The following NSUN6 variants were observed in gnomAD, a reference collection of about 807,000 sequenced individuals.
NSUN6 encodes NOP2/Sun RNA methyltransferase 6, also known as tRNA (cytosine(72)-C(5))-methyltransferase NSUN6.
Under a neutral mutation model 58.0 loss-of-function variants are expected in NSUN6, and 64 were observed. That is an observed-to-expected ratio of 1.10 (90% CI 0.90 to 1.36). The LOEUF (loss-of-function observed/expected upper bound fraction) is 1.36. Among genes scored for constraint, NSUN6 ranks in the 40% most tolerant of loss-of-function variants. NSUN6 has a pLI of 0.00. For synonymous variants in NSUN6, 231 were observed against 193.9 expected (o/e 1.19, Z -1.59); for missense variants, 701 against 550.1 (o/e 1.27, Z -2.74).
At chr10:18,641,961 A>G (rs2059403428) in intron 3 of NSUN6, among the ~76,000 whole-genome samples, 1 of 152,120 alleles carries the variant, frequency 6.6e-6, no homozygotes, top group African/African-American at 2.4e-5. Context: ...CCAGCTACTC[A>G]GAAGCTGAGG....
At chr10:18,626,677 A>G (rs1357262358) in intron 3 of NSUN6, among the ~76,000 whole-genome samples, 2 of 152,208 alleles carry the variant, frequency 1.3e-5, no homozygotes, top group African/African-American at 4.8e-5. Context: ...CTGAGGCAGG[A>G]TAATCACTTG....
At chr10:18,652,091 CTGTTAAT>C, upstream of NSUN6, 1 of 985,370 alleles carries the variant, frequency 1.0e-6, no homozygotes, top group Non-Finnish European at 1.2e-6. Flanking sequence ...GGCTAATGGT[CTGTTAAT>C]ATCCAATGCT....
intron 3 of NSUN6, among the ~76,000 whole-genome samples, chr10:18,638,887 A>C (rs1025813856): frequency 4.0e-5 from 6 of 151,416 alleles, no homozygotes; most frequent in African/African-American, 1.2e-4. Flanking sequence ...ACTGAAAGCA[A>C]GCACCACATG....
chr10:18,647,670 C>T (rs1381158574), intron 2 of NSUN6, among the ~76,000 whole-genome samples: 1 of 150,088 alleles, frequency 6.7e-6, no homozygotes, highest in African/African-American at 2.5e-5. Context: ...AAAATAGATT[C>T]AGATTCATCA....
At position 18,611,871 on chromosome 10, in the gene NSUN6, C is replaced by T. The variant is rs117505686; in HGVS notation, c.576-1945G>A. 3.5e-3 allele frequency among the ~76,000 whole-genome samples: 528 copies of T among 152,166 alleles called. 1 individual carries two copies. Among genetic ancestry groups the T allele is most frequent in the Non-Finnish European group, 6.3e-3 (427 of 68,008 alleles). ...CGGGTATGAGCCACCATGCCTGGCG[C>T]CCTCAGTTCTAACAGCATTTAGCAT... On this transcript the variant is annotated intron_variant, in intron 5 of 10. Coordinates refer to ENST00000377304, the MANE Select transcript of NSUN6 (RefSeq NM_182543.5).
chr10:18,638,947 TAA>T (rs35673571), intron 3 of NSUN6, among the ~76,000 whole-genome samples: 14 of 107,056 alleles, frequency 1.3e-4, no homozygotes, highest in Non-Finnish European at 2.2e-4. Flanking sequence ...TTGACAATGT[TAA>T]AAAAAAAAAA....
chr10:18,591,207 T>A (rs892128668), intron 7 of NSUN6, among the ~76,000 whole-genome samples: 2 of 152,240 alleles, frequency 1.3e-5, no homozygotes, highest in African/African-American at 4.8e-5. Flanking sequence ...AATTCCTGAA[T>A]AGACCAATAA....
chr10:18,608,454 G>T (rs1316414543), intron 6 of NSUN6, among the ~76,000 whole-genome samples: 1 of 151,826 alleles, frequency 6.6e-6, no homozygotes, highest in Non-Finnish European at 1.5e-5. Flanking sequence ...TGGACAATAC[G>T]GCAAAACCCC....
chr10:18,628,786 C>A (rs2058922181), intron 3 of NSUN6, among the ~76,000 whole-genome samples: 1 of 152,062 alleles, frequency 6.6e-6, no homozygotes, highest in Non-Finnish European at 1.5e-5. Context: ...GATTGGTGTA[C>A]CAGAAAGTGA....
chr10:18,652,018 C>T (rs960815748), upstream of NSUN6: 2 of 985,246 alleles, frequency 2.0e-6, no homozygotes, highest in Non-Finnish European at 2.4e-6. Flanking sequence ...GATTTTACCT[C>T]TCTCAGGCAT....
intron 8 of NSUN6, among the ~76,000 whole-genome samples, chr10:18,584,701 A>T (rs1021837499): frequency 1.3e-5 from 2 of 152,232 alleles, no homozygotes; most frequent in African/African-American, 2.4e-5. Context: ...TGAGGTGGAC[A>T]AATGCAAAAA....
chr10:18,620,392 A>C (rs1010623966), intron 3 of NSUN6, among the ~76,000 whole-genome samples: 1 of 152,148 alleles, frequency 6.6e-6, no homozygotes, highest in Non-Finnish European at 1.5e-5. Context: ...CGACAATAAA[A>C]ATTCTTTAGC....
chr10:18,619,874 T>C (rs1379673382), intron 3 of NSUN6, among the ~76,000 whole-genome samples: 1 of 152,192 alleles, frequency 6.6e-6, no homozygotes, highest in Non-Finnish European at 1.5e-5. Context: ...TACACATACA[T>C]GTCTGTGTGT....
chr10:18,596,356 C>T (rs1416253021), intron 6 of NSUN6, 29 bp from the exon 7 acceptor site: 1 of 1,469,350 alleles, frequency 6.8e-7, no homozygotes, highest in Non-Finnish European at 9.5e-7. Context: ...AATCGATTAT[C>T]AATAATCCTA....
At chr10:18,640,050 T>A (rs1472603596) in intron 3 of NSUN6, among the ~76,000 whole-genome samples, 1 of 152,174 alleles carries the variant, frequency 6.6e-6, no homozygotes, top group Non-Finnish European at 1.5e-5. Flanking sequence ...AAATTTAAAC[T>A]AAGCTAAATG....
intron 6 of NSUN6, 47 bp downstream of exon 6, chr10:18,609,798 A>AT: frequency 1.0e-6 from 1 of 978,050 alleles, no homozygotes; most frequent in Non-Finnish European, 1.6e-6. Flanking sequence ...TAATTCACTG[A>AT]TGTATGTTTC....
chr10:18,617,185 GTTT>G (rs35698731), intron 3 of NSUN6, among the ~76,000 whole-genome samples: 3 of 127,630 alleles, frequency 2.4e-5, no homozygotes, highest in African/African-American at 5.8e-5. Flanking sequence ...AGCCTTTCTA[GTTT>G]TTTTTTTTTT....
chr10:18,634,830 A>T (rs1407959156), intron 3 of NSUN6, among the ~76,000 whole-genome samples: 1 of 152,080 alleles, frequency 6.6e-6, no homozygotes. Flanking sequence ...ATGGAGTTGA[A>T]AAATGTGTTA....
intron 8 of NSUN6, among the ~76,000 whole-genome samples, chr10:18,570,412 C>T (rs1242001247): frequency 2.0e-5 from 3 of 151,108 alleles, no homozygotes; most frequent in Admixed American, 2.0e-4. Flanking sequence ...CCATTCCCTT[C>T]CATTCTCCAT....
Sources: gnomAD v4.1 joint callset for allele counts (sites outside exome capture counted in the v4.1 genomes callset) on GRCh38, gnomAD v4.1.1 for gene constraint, MANE v1.5 for transcripts, NCBI Gene and HGNC (gene_info 2026-07-23, HGNC 2026-07-21) for gene names.